GARIN1B: variants seen among roughly 807,000 people sequenced by gnomAD.
GARIN1B encodes Golgi-associated RAB2 interactor protein 1B.
At chr7:128,711,934 G>A in the GARIN1B span, among the ~76,000 whole-genome samples, 1 of 152,144 alleles carries the variant, frequency 6.6e-6, no homozygotes, top group African/African-American at 2.4e-5. Context: ...CCAGCTACTC[G>A]GGAGGCTGAG....
chr7:128,721,349 T>C, the GARIN1B span, among the ~76,000 whole-genome samples: 2 of 152,218 alleles, frequency 1.3e-5, no homozygotes, highest in Admixed American at 1.3e-4. Context: ...AAGTATCTTA[T>C]TGTTGTTGAT....
the GARIN1B span, chr7:128,719,152 A>G: frequency 6.5e-7 from 1 of 1,539,930 alleles, no homozygotes; most frequent in Non-Finnish European, 8.8e-7. Context: ...CCCAGCTGGT[A>G]TGTGAGTGCC....
At chr7:128,721,143 G>T in the GARIN1B span, among the ~76,000 whole-genome samples, 1 of 152,108 alleles carries the variant, frequency 6.6e-6, no homozygotes. Context: ...CCTTAGCAAA[G>T]TTTTGTAGCT....
At chr7:128,719,718 G>C in the GARIN1B span, among the ~76,000 whole-genome samples, 2 of 15,974 alleles carry the variant, frequency 1.3e-4, no homozygotes, top group Non-Finnish European at 2.5e-4. Context: ...TTTTTTTTTT[G>C]AGATGGAGTC....
At chr7:128,730,957 C>T in the GARIN1B span, 10 of 768,988 alleles carry the variant, frequency 1.3e-5, no homozygotes, top group Middle Eastern at 2.7e-4. Context: ...AGCCACTGGG[C>T]CCGGCCACCA....
the GARIN1B span, among the ~76,000 whole-genome samples, chr7:128,709,748 CTCTTTTTTTTT>C: frequency 3.1e-4 from 21 of 68,670 alleles, no homozygotes; most frequent in South Asian, 1.1e-3. Context: ...CTCTCTCTCT[CTCTTTTTTTTT>C]TTTTTTTTTT....
the GARIN1B span, chr7:128,726,824 C>G: frequency 6.2e-7 from 1 of 1,613,876 alleles, no homozygotes; most frequent in Non-Finnish European, 8.5e-7. Flanking sequence ...TGAAATGGCT[C>G]GAGTTTCAGG....
At chr7:128,713,910 G>A in the GARIN1B span, 7 of 1,307,234 alleles carry the variant, frequency 5.4e-6, no homozygotes, top group African/African-American at 4.4e-5. Flanking sequence ...TGTGCTGTGT[G>A]TTCCCTTTCT....
At chr7:128,726,731 T>C in the GARIN1B span, 1 of 1,356,932 alleles carries the variant, frequency 7.4e-7, no homozygotes, top group South Asian at 1.2e-5. Flanking sequence ...CTCTAAAGCT[T>C]TGCATCAGGA....
At chr7:128,715,286 C>T in the GARIN1B span, 2 of 1,448,886 alleles carry the variant, frequency 1.4e-6, no homozygotes, top group Non-Finnish European at 1.8e-6. Context: ...CTTTGCACTT[C>T]CCCTTCCTGC....
At chr7:128,726,840 C>T in the GARIN1B span, 1 of 1,613,996 alleles carries the variant, frequency 6.2e-7, no homozygotes, top group Non-Finnish European at 8.5e-7. Context: ...TCAGGAGCAG[C>T]AGAAAGGTGG....
chr7:128,728,594 G>A, the GARIN1B span, among the ~76,000 whole-genome samples: 2 of 152,238 alleles, frequency 1.3e-5, no homozygotes, highest in African/African-American at 4.8e-5. Context: ...TAGTGGCAAT[G>A]AGAAAGTGAA....
At chr7:128,728,928 A>G in the GARIN1B span, among the ~76,000 whole-genome samples, 1 of 152,216 alleles carries the variant, frequency 6.6e-6, no homozygotes, top group Non-Finnish European at 1.5e-5. Context: ...GCATTTAAAC[A>G]TACATTCAAA....
the GARIN1B span, among the ~76,000 whole-genome samples, chr7:128,716,100 C>T: frequency 1.3e-5 from 2 of 152,218 alleles, no homozygotes; most frequent in South Asian, 2.1e-4. Context: ...CAGTCCTCTG[C>T]CTTCTCCTTG....
the GARIN1B span, chr7:128,730,015 T>C: frequency 6.2e-7 from 1 of 1,614,120 alleles, no homozygotes; most frequent in Non-Finnish European, 8.5e-7. Flanking sequence ...GCAGCCCCTC[T>C]CACTACTCAG....
the GARIN1B span, among the ~76,000 whole-genome samples, chr7:128,722,872 C>G: frequency 2.6e-5 from 4 of 151,900 alleles, no homozygotes; most frequent in African/African-American, 9.7e-5. Context: ...AGTATAAAAC[C>G]AAACAGCATA....
At chr7:128,711,158 C>A in the GARIN1B span, among the ~76,000 whole-genome samples, 2 of 152,024 alleles carry the variant, frequency 1.3e-5, no homozygotes, top group Admixed American at 1.3e-4. Context: ...TTCCTCCTGG[C>A]ATGCTTTGGG....
chr7:128,730,516 C>T, the GARIN1B span, among the ~76,000 whole-genome samples: 3 of 152,148 alleles, frequency 2.0e-5, no homozygotes, highest in South Asian at 2.1e-4. Context: ...AAGGCCCATT[C>T]GTCCATCCAC....
chr7:128,714,062 G>T, the GARIN1B span: 3 of 1,535,796 alleles, frequency 2.0e-6, no homozygotes, highest in East Asian at 7.3e-5. Flanking sequence ...TACTGAGCCA[G>T]GAGCTATAAC....
Sources: gnomAD v4.1 joint callset for allele counts (sites outside exome capture counted in the v4.1 genomes callset) on GRCh38, gnomAD v4.1.1 for gene constraint, MANE v1.5 for transcripts, NCBI Gene and HGNC (gene_info 2026-07-23, HGNC 2026-07-21) for gene names.